The following ZNF883 variants were observed in gnomAD, a reference collection of about 807,000 sequenced individuals.
ZNF883 encodes zinc finger protein 883.
chr9:112,998,120 C>A (rs1380577193), exon 1 of ZNF883: 27 of 1,613,730 alleles, frequency 1.7e-5, no homozygotes, highest in Non-Finnish European at 2.2e-5. Flanking sequence ...AAAGGACTTA[C>A]CACATATTTT....
downstream of ZNF883, among the ~76,000 whole-genome samples, chr9:112,996,383 C>G (rs1406163621): frequency 6.6e-6 from 1 of 151,906 alleles, no homozygotes; most frequent in Non-Finnish European, 1.5e-5. Flanking sequence ...ATTTTCAAAC[C>G]CTCTATAAAA....
At chr9:112,997,788 A>T in exon 1 of ZNF883, 7 of 1,613,574 alleles carry the variant, frequency 4.3e-6, no homozygotes, top group Non-Finnish European at 5.1e-6. Flanking sequence ...GTTTTTCCAC[A>T]TTCAGTACAT....
chr9:112,992,308 C>G (rs748122749), downstream of ZNF883, among the ~76,000 whole-genome samples: 2 of 152,174 alleles, frequency 1.3e-5, no homozygotes, highest in African/African-American at 4.8e-5. Flanking sequence ...ATTTGCTTGT[C>G]TGAAGAGGAT....
At chr9:112,999,544 A>C (rs546719646), upstream of ZNF883, 2 of 152,326 alleles carry the variant, frequency 1.3e-5, no homozygotes, top group African/African-American at 4.8e-5. Context: ...GATAATCACA[A>C]GCTGGTCCTC....
intron 2 of ZNF883, among the ~76,000 whole-genome samples, chr9:113,010,256 T>G (rs1036890152): frequency 1.3e-5 from 2 of 152,218 alleles, no homozygotes; most frequent in South Asian, 2.1e-4. Context: ...AGAGCTGCGT[T>G]ACAGACACAC....
At chr9:112,988,143 T>C (rs904220237) in intron 1 of ZNF883, among the ~76,000 whole-genome samples, 1 of 152,088 alleles carries the variant, frequency 6.6e-6, no homozygotes, top group Non-Finnish European at 1.5e-5. Context: ...TTGTATCTTT[T>C]AAAAAAATTT....
At chr9:113,009,480 C>G (rs1828510030) in intron 2 of ZNF883, among the ~76,000 whole-genome samples, 1 of 152,002 alleles carries the variant, frequency 6.6e-6, no homozygotes, top group Non-Finnish European at 1.5e-5. Flanking sequence ...CCTAATCCCC[C>G]TCCCCTCCCC....
At chr9:112,989,168 A>G (rs1475156792) in intron 1 of ZNF883, among the ~76,000 whole-genome samples, 2 of 152,164 alleles carry the variant, frequency 1.3e-5, no homozygotes, top group Admixed American at 1.3e-4. Flanking sequence ...TTTTGTTGCA[A>G]TAGCTTTTGG....
chr9:112,991,140 GGTTT>G (rs1828297990), intron 1 of ZNF883, among the ~76,000 whole-genome samples: 1 of 151,778 alleles, frequency 6.6e-6, no homozygotes, highest in Admixed American at 6.6e-5. Flanking sequence ...GCTAGCTTTG[GGTTT>G]GTTTGCTCTT....
chr9:112,993,409 G>A (rs1260143087), downstream of ZNF883, among the ~76,000 whole-genome samples: 1 of 152,162 alleles, frequency 6.6e-6, no homozygotes, highest in Non-Finnish European at 1.5e-5. Flanking sequence ...TAGCAAAGAT[G>A]GCTGCCTGCT....
chr9:113,003,262 G>A (rs1828443443), intron 2 of ZNF883, among the ~76,000 whole-genome samples: 1 of 152,086 alleles, frequency 6.6e-6, no homozygotes, highest in South Asian at 2.1e-4. Context: ...TCCTCTGCCT[G>A]CATAAGCTCT....
intron 2 of ZNF883, among the ~76,000 whole-genome samples, chr9:113,008,054 C>G (rs987122045): frequency 7.3e-6 from 1 of 136,950 alleles, no homozygotes; most frequent in African/African-American, 3.0e-5. Context: ...TTCAAATGAC[C>G]CTGAGTCCTT....
At chr9:112,996,529 C>T (rs528069510), downstream of ZNF883, among the ~76,000 whole-genome samples, 131 of 151,958 alleles carry the variant, frequency 8.6e-4, 1 homozygote, top group South Asian at 2.7e-3. Context: ...CGGTGGCTCA[C>T]GCCTGTAATC....
intron 2 of ZNF883, among the ~76,000 whole-genome samples, chr9:113,007,189 G>C (rs1376076157): frequency 6.6e-6 from 1 of 152,158 alleles, no homozygotes; most frequent in Non-Finnish European, 1.5e-5. Flanking sequence ...GCAAGACTCC[G>C]TCTCAAAAGA....
chr9:112,995,554 T>C, downstream of ZNF883, among the ~76,000 whole-genome samples: 1 of 151,398 alleles, frequency 6.6e-6, no homozygotes, highest in East Asian at 2.0e-4. Context: ...TCTCTCTCCA[T>C]TCCTTCTCTT....
upstream of ZNF883, chr9:112,999,829 A>G (rs568118304): frequency 6.6e-6 from 1 of 152,300 alleles, no homozygotes; most frequent in South Asian, 2.1e-4. Context: ...AAGGTCATCA[A>G]ATATCACTGT....
chr9:112,995,584 C>G (rs1422896533), downstream of ZNF883, among the ~76,000 whole-genome samples: 2 of 151,624 alleles, frequency 1.3e-5, no homozygotes, highest in Admixed American at 1.3e-4. Context: ...TTTCTTCTCT[C>G]TCTGGAGAAC....
downstream of ZNF883, among the ~76,000 whole-genome samples, chr9:112,994,628 A>G (rs1828331415): frequency 6.6e-6 from 1 of 151,850 alleles, no homozygotes; most frequent in Non-Finnish European, 1.5e-5. Flanking sequence ...AATATTCTAT[A>G]TTTTTTAGAA....
Position 113,011,120 on chromosome 9 carries a change from GC to G in ZNF883, n.165+20del, listed in dbSNP as rs1259826845. On this transcript the variant is annotated intron_variant and non_coding_transcript_variant, in intron 2 of 4. Transcript: ENST00000638622. ...ATTAAACCCAGCTTAAGGTACAAAT[GC>G]CTTGAAAAGTTTTGCTCACCAAAGA... 2.0e-5 allele frequency: 3 copies of G among 152,088 alleles called. No homozygotes were observed. The highest frequency in any genetic ancestry group is 4.4e-5 in the Non-Finnish European group (3 of 68,030). 9.4% of individuals were successfully genotyped at this position (152,088 alleles called of 1,614,324 possible).
Sources: gnomAD v4.1 joint callset for allele counts (sites outside exome capture counted in the v4.1 genomes callset) on GRCh38, gnomAD v4.1.1 for gene constraint, MANE v1.5 for transcripts, NCBI Gene and HGNC (gene_info 2026-07-23, HGNC 2026-07-21) for gene names.